The following ENTREP2 variants were observed in gnomAD, a reference collection of about 807,000 sequenced individuals.
The protein encoded by ENTREP2 is endosomal transmembrane epsin interactor 2.
chr15:29,173,512 T>G, the ENTREP2 span, among the ~76,000 whole-genome samples: 1 of 152,166 alleles, frequency 6.6e-6, no homozygotes. Flanking sequence ...TGGCTTAGAC[T>G]TTAAACTCAA....
chr15:29,219,616 T>A, the ENTREP2 span, among the ~76,000 whole-genome samples: 2 of 10,124 alleles, frequency 2.0e-4, no homozygotes, highest in African/African-American at 6.3e-4. Context: ...GGTGCATAAA[T>A]ATATATATAT....
At chr15:29,271,573 A>G in the ENTREP2 span, among the ~76,000 whole-genome samples, 6 of 152,224 alleles carry the variant, frequency 3.9e-5, no homozygotes, top group Non-Finnish European at 8.8e-5. Context: ...TTATTCATAG[A>G]TTCCAGACAT....
chr15:29,538,285 C>T, the ENTREP2 span, among the ~76,000 whole-genome samples: 3 of 152,012 alleles, frequency 2.0e-5, no homozygotes, highest in East Asian at 1.9e-4. Context: ...CAGCTACAGG[C>T]CTGGAGGAAG....
At chr15:29,146,941 A>G in the ENTREP2 span, among the ~76,000 whole-genome samples, 1 of 152,074 alleles carries the variant, frequency 6.6e-6, no homozygotes, top group Admixed American at 6.5e-5. Flanking sequence ...TCTTGGGGAA[A>G]AAAAAAAACC....
chr15:29,656,463 G>A, the ENTREP2 span, among the ~76,000 whole-genome samples: 1 of 152,180 alleles, frequency 6.6e-6, no homozygotes, highest in African/African-American at 2.4e-5. Flanking sequence ...CTGAGTGCAG[G>A]CAATCTGCCT....
chr15:29,158,986 T>C, the ENTREP2 span, among the ~76,000 whole-genome samples: 2 of 152,214 alleles, frequency 1.3e-5, no homozygotes, highest in African/African-American at 2.4e-5. Flanking sequence ...GCAATGACAA[T>C]GTACATACAT....
chr15:29,553,873 C>T, the ENTREP2 span, among the ~76,000 whole-genome samples: 6 of 152,200 alleles, frequency 3.9e-5, no homozygotes, highest in Non-Finnish European at 8.8e-5. Context: ...CCAACACAAT[C>T]ACATGAGACC....
chr15:29,424,727 A>G, the ENTREP2 span, among the ~76,000 whole-genome samples: 1 of 152,204 alleles, frequency 6.6e-6, no homozygotes, highest in African/African-American at 2.4e-5. Context: ...GGAATCCTCA[A>G]GCTCACAGCT....
chr15:29,543,525 A>G, the ENTREP2 span, among the ~76,000 whole-genome samples: 7 of 129,060 alleles, frequency 5.4e-5, no homozygotes, highest in East Asian at 4.5e-4. Context: ...TCACGCCTGT[A>G]ATCCCAGCAT....
the ENTREP2 span, among the ~76,000 whole-genome samples, chr15:29,154,988 G>C: frequency 6.6e-6 from 1 of 152,194 alleles, no homozygotes; most frequent in Non-Finnish European, 1.5e-5. Context: ...CTTAAGAAGC[G>C]TTAGGCAGAA....
At chr15:29,520,582 TA>T in the ENTREP2 span, among the ~76,000 whole-genome samples, 2,990 of 139,832 alleles carry the variant, frequency 0.021, 57 homozygotes, top group African/African-American at 0.063. Flanking sequence ...ATGTTTCCTA[TA>T]AAAAAAAAAA....
chr15:29,516,228 G>A, the ENTREP2 span, among the ~76,000 whole-genome samples: 8 of 152,090 alleles, frequency 5.3e-5, no homozygotes, highest in Non-Finnish European at 1.0e-4. Context: ...GAGATTCAGT[G>A]ACCCAGGGAA....
At chr15:29,601,500 T>C in the ENTREP2 span, among the ~76,000 whole-genome samples, 20 of 152,094 alleles carry the variant, frequency 1.3e-4, no homozygotes, top group African/African-American at 4.3e-4. Context: ...CATGACCTTT[T>C]CCCTCATTTA....
chr15:29,189,857 T>C, the ENTREP2 span, among the ~76,000 whole-genome samples: 3 of 152,220 alleles, frequency 2.0e-5, no homozygotes, highest in African/African-American at 4.8e-5. Context: ...GCATTTATTA[T>C]GTCATTTTTT....
the ENTREP2 span, among the ~76,000 whole-genome samples, chr15:29,176,740 T>C: frequency 6.6e-6 from 1 of 152,176 alleles, no homozygotes; most frequent in Non-Finnish European, 1.5e-5. Context: ...CTTTCCCTCC[T>C]TCCCTCCAGG....
the ENTREP2 span, among the ~76,000 whole-genome samples, chr15:29,632,074 T>C: frequency 2.0e-5 from 3 of 152,242 alleles, no homozygotes; most frequent in African/African-American, 4.8e-5. Flanking sequence ...AATAAGGTTT[T>C]TCTTCAAGCT....
chr15:29,538,782 C>G, the ENTREP2 span, among the ~76,000 whole-genome samples: 3 of 151,260 alleles, frequency 2.0e-5, no homozygotes, highest in South Asian at 2.1e-4. Flanking sequence ...GCACTCCAGC[C>G]TGGGTGACAA....
At chr15:29,482,902 G>A in the ENTREP2 span, among the ~76,000 whole-genome samples, 1 of 152,162 alleles carries the variant, frequency 6.6e-6, no homozygotes, top group Non-Finnish European at 1.5e-5. Context: ...GTTTCATTTT[G>A]TAAGAAGCTG....
At chr15:29,361,086 G>C in the ENTREP2 span, among the ~76,000 whole-genome samples, 2 of 152,070 alleles carry the variant, frequency 1.3e-5, no homozygotes, top group Non-Finnish European at 2.9e-5. Context: ...TTGTTCTGCT[G>C]GCCTGCAAGG....
Sources: allele counts gnomAD v4.1 joint callset (sites outside exome capture counted in the v4.1 genomes callset), GRCh38; gene constraint gnomAD v4.1.1; transcripts MANE v1.5; gene names NCBI Gene and HGNC (gene_info 2026-07-23, HGNC 2026-07-21).